The following LHFPL6 variants were observed in gnomAD, a reference collection of about 807,000 sequenced individuals.
LHFPL6 encodes the protein LHFPL tetraspan subfamily member 6 protein.
LHFPL6 carries 9 observed loss-of-function variants against 20.6 expected under a neutral mutation model. The observed-to-expected ratio is 0.44, with a 90% CI of 0.26 to 0.76. The LOEUF (loss-of-function observed/expected upper bound fraction) is 0.76, where lower values mean the gene tolerates loss of function less well. Ranked by LOEUF, LHFPL6 falls within the 30% of genes least tolerant of loss-of-function variation. The pLI, the probability that LHFPL6 is intolerant of heterozygous loss-of-function variation, is 0.20. For synonymous variants in LHFPL6, 105 were observed against 98.7 expected, an observed-to-expected ratio of 1.06 and a Z score of -0.38; for missense variants, 218 against 253.5, an observed-to-expected ratio of 0.86 and a Z score of 0.95.
intron 2 of LHFPL6, among the ~76,000 whole-genome samples, chr13:39,510,309 AT>A (rs970698955): frequency 1.3e-5 from 2 of 152,164 alleles, no homozygotes; most frequent in African/African-American, 2.4e-5. Context: ...AGTTTCCTTT[AT>A]TTTTTTGTCC....
intron 2 of LHFPL6, among the ~76,000 whole-genome samples, chr13:39,566,941 TG>T (rs1247463897): frequency 6.6e-6 from 1 of 151,828 alleles, no homozygotes; most frequent in Non-Finnish European, 1.5e-5. Flanking sequence ...TAATCACACA[TG>T]CCTCCCAGAA....
At chr13:39,574,482 C>CA (rs796821570) in intron 2 of LHFPL6, among the ~76,000 whole-genome samples, 1,378 of 59,630 alleles carry the variant, frequency 0.023, 19 homozygotes, top group Admixed American at 0.034. Flanking sequence ...GACTCCGTCT[C>CA]AAAAAAAAAA....
chr13:39,420,074 C>G (rs927309877), intron 2 of LHFPL6, among the ~76,000 whole-genome samples: 1 of 152,158 alleles, frequency 6.6e-6, no homozygotes, highest in Non-Finnish European at 1.5e-5. Context: ...TGCCCCTGGC[C>G]TTTACGCTAA....
chr13:39,590,805 T>C (rs1872570424), intron 2 of LHFPL6, among the ~76,000 whole-genome samples: 1 of 152,236 alleles, frequency 6.6e-6, no homozygotes, highest in Non-Finnish European at 1.5e-5. Context: ...CATTCCTCAG[T>C]TGGTTTCCTT....
At chr13:39,539,788 G>C (rs527683549) in intron 2 of LHFPL6, among the ~76,000 whole-genome samples, 5 of 152,302 alleles carry the variant, frequency 3.3e-5, no homozygotes, top group East Asian at 3.9e-4. Flanking sequence ...ATTAGAAATA[G>C]AGAAGTCAGT....
chr13:39,490,920 G>A (rs1045912345), intron 2 of LHFPL6, among the ~76,000 whole-genome samples: 3 of 152,132 alleles, frequency 2.0e-5, no homozygotes, highest in African/African-American at 7.2e-5. Context: ...TTTCAAGCAT[G>A]TGGGCAAAAC....
chr13:39,590,675 T>A, intron 2 of LHFPL6, among the ~76,000 whole-genome samples: 1 of 152,378 alleles, frequency 6.6e-6, no homozygotes, highest in South Asian at 2.1e-4. Flanking sequence ...CATCTCACGA[T>A]ATTTACATTG....
At chr13:39,529,788 G>A (rs950504997) in intron 2 of LHFPL6, among the ~76,000 whole-genome samples, 2 of 152,134 alleles carry the variant, frequency 1.3e-5, no homozygotes, top group Non-Finnish European at 2.9e-5. Context: ...TGTTTGTTGG[G>A]AAGCAAATAA....
Position 39,356,617 on chromosome 13 carries a change from T to C in LHFPL6, c.485-12563A>G, listed in dbSNP as rs777242965. ...AGGATGCACATGATAGATAGACTGCTAGCTAGATTAACAAAGAAAAAGCGA... is the reference window on the plus strand; with the variant it reads ...AGGATGCACATGATAGATAGACTGCCAGCTAGATTAACAAAGAAAAAGCGA... On this transcript the variant is annotated intron_variant, in intron 3 of 3. Coordinates refer to ENST00000379589, the MANE Select transcript of LHFPL6 (RefSeq NM_005780.3). Among the ~76,000 whole-genome samples, 4 of 152,286 alleles carry C rather than the reference T, an allele frequency of 2.6e-5. No individual in the cohort carries two copies. In the East Asian group the frequency reaches 7.7e-4, roughly 29 times the overall value.
intron 2 of LHFPL6, among the ~76,000 whole-genome samples, chr13:39,480,773 GCAGGC>G (rs1868483881): frequency 6.6e-6 from 1 of 152,124 alleles, no homozygotes; most frequent in South Asian, 2.1e-4. Flanking sequence ...AACAGTGACT[GCAGGC>G]TTGTCTTTTA....
chr13:39,456,665 T>C (rs745445916), intron 2 of LHFPL6, among the ~76,000 whole-genome samples: 10 of 152,188 alleles, frequency 6.6e-5, no homozygotes, highest in Non-Finnish European at 1.5e-4. Flanking sequence ...GATATCTGCA[T>C]GGAAAAATAC....
At chr13:39,580,778 C>T (rs898049382) in intron 2 of LHFPL6, among the ~76,000 whole-genome samples, 1 of 152,280 alleles carries the variant, frequency 6.6e-6, no homozygotes, top group East Asian at 1.9e-4. Flanking sequence ...CCTAATATTA[C>T]TATTACATCC....
At chr13:39,474,334 G>C (rs1235307554) in intron 2 of LHFPL6, among the ~76,000 whole-genome samples, 1 of 152,166 alleles carries the variant, frequency 6.6e-6, no homozygotes, top group Admixed American at 6.5e-5. Flanking sequence ...GTTTCATGAA[G>C]AGAATTTCAC....
intron 2 of LHFPL6, among the ~76,000 whole-genome samples, chr13:39,431,796 C>T (rs1871818268): frequency 6.6e-6 from 1 of 150,600 alleles, no homozygotes; most frequent in Admixed American, 6.6e-5. Flanking sequence ...AATATTTAAC[C>T]ATTTCTCACC....
At chr13:39,524,392 A>G (rs1417042091) in intron 2 of LHFPL6, among the ~76,000 whole-genome samples, 2 of 151,866 alleles carry the variant, frequency 1.3e-5, no homozygotes, top group Non-Finnish European at 2.9e-5. Context: ...AAGTGGGTCC[A>G]TAAAAACCAC....
At position 39,586,428 on chromosome 13, in the gene LHFPL6, G is replaced by A. The variant is rs117280380; in HGVS notation, c.385+14404C>T. On this transcript the variant is annotated intron_variant, in intron 2 of 3. Transcript: ENST00000379589. ...TGATAAACCACATCTACATACCATG[G>A]TAACGACAATATTTACTACTTTAAA... 3.4e-3 allele frequency among the ~76,000 whole-genome samples: 516 copies of A among 152,186 alleles called. 1 individual carries two copies. Among genetic ancestry groups the A allele is most frequent in the Middle Eastern group, 0.017 (5 of 294 alleles).
chr13:39,555,488 G>C (rs1266102917), intron 2 of LHFPL6, among the ~76,000 whole-genome samples: 1 of 152,162 alleles, frequency 6.6e-6, no homozygotes, highest in African/African-American at 2.4e-5. Flanking sequence ...CGGTGACTCT[G>C]AGCAAAGTCT....
intron 3 of LHFPL6, among the ~76,000 whole-genome samples, chr13:39,353,245 C>T (rs1352721942): frequency 6.6e-6 from 1 of 151,490 alleles, no homozygotes; most frequent in African/African-American, 2.4e-5. Flanking sequence ...CTCGGCCTTC[C>T]AAAGTGCTGA....
intron 2 of LHFPL6, among the ~76,000 whole-genome samples, chr13:39,561,591 T>C (rs1871484991): frequency 6.6e-6 from 1 of 152,182 alleles, no homozygotes; most frequent in South Asian, 2.1e-4. Flanking sequence ...GCCTCCCAAG[T>C]AGCTGGAATC....
Sources: allele counts gnomAD v4.1 joint callset (sites outside exome capture counted in the v4.1 genomes callset), GRCh38; gene constraint gnomAD v4.1.1; transcripts MANE v1.5; gene names NCBI Gene and HGNC (gene_info 2026-07-23, HGNC 2026-07-21).